The following ASAP2 variants were observed in gnomAD, a reference collection of about 807,000 sequenced individuals.
ASAP2 encodes the protein arf-GAP with SH3 domain, ANK repeat and PH domain-containing protein 2.
ASAP2 carries 45 observed loss-of-function variants against 131.4 expected under a neutral mutation model. The ratio of observed to expected loss-of-function variants is 0.34; its 90% confidence interval spans 0.27 to 0.44. The LOEUF is 0.44. Among genes scored for constraint, ASAP2 ranks in the 20% least tolerant of loss-of-function variants. The pLI, the probability that ASAP2 is intolerant of heterozygous loss-of-function variation, is 1.00. For missense variants in ASAP2, 1,011 were observed against 1,297.0 expected (o/e 0.78, Z 3.39); for synonymous variants, 510 against 503.0 (o/e 1.01, Z -0.19).
chr2:9,385,233 C>G lies in ASAP2; in HGVS notation c.2017-12C>G. 3 of 1,598,254 alleles carry G rather than the reference C, an allele frequency of 1.9e-6. No homozygotes were observed. Among genetic ancestry groups the G allele is most frequent in the South Asian group, 2.2e-5 (2 of 90,668 alleles). On this transcript the variant is annotated splice_polypyrimidine_tract_variant and intron_variant, in intron 20 of 27. Transcript: ENST00000281419. ...ATGAGCAACAGCACTGACCATCCCT[C>G]TGTTCTCTCAGCTGACCCAAGCCTT...
intron 9 of ASAP2, 115 bp downstream of exon 9, chr2:9,335,294 C>G: frequency 2.4e-6 from 2 of 820,456 alleles, no homozygotes; most frequent in South Asian, 3.1e-5. Context: ...CGGGCTGTGT[C>G]AGGCACCAGT....
At chr2:9,252,573 C>T (rs1664783281) in intron 1 of ASAP2, among the ~76,000 whole-genome samples, 1 of 150,200 alleles carries the variant, frequency 6.7e-6, no homozygotes, top group South Asian at 2.1e-4. Context: ...GACCCTATTC[C>T]CCTAACACCC....
In ASAP2 at chr2:9,404,188, T is replaced by TAACACATCACTTGCTGTTTC. The variant is rs1676990803; in HGVS notation, c.*862_*881dup. The TAACACATCACTTGCTGTTTC allele has an allele frequency of 6.6e-6, 1 of 152,214 alleles. No individual in the cohort carries two copies. The highest frequency in any genetic ancestry group is 6.5e-5 in the Admixed American group (1 of 15,274). The allele number at this position is 152,214 out of a possible 1,614,324, so 9.4% of individuals were successfully genotyped here. ...TTCTGTGGCGCAGACCATGCTGTAT[T>TAACACATCACTTGCTGTTTC]AACACATCACTTGCTGTTTCCTACT... On this transcript the variant is annotated 3_prime_UTR_variant, in exon 28 of 28. Coordinates refer to ENST00000281419, the MANE Select transcript of ASAP2 (RefSeq NM_003887.3).
At chr2:9,368,689 T>C (rs541974255) in intron 16 of ASAP2, among the ~76,000 whole-genome samples, 170 bp downstream of exon 16, 2 of 152,168 alleles carry the variant, frequency 1.3e-5, no homozygotes, top group African/African-American at 4.8e-5. Context: ...GGTGACCAAA[T>C]AGAAATTTTT....
chr2:9,397,750 A>ATATTTTTTT (rs1343127000), intron 24 of ASAP2, among the ~76,000 whole-genome samples: 3 of 44,810 alleles, frequency 6.7e-5, no homozygotes, highest in African/African-American at 5.1e-4. Context: ...ATATATATAT[A>ATATTTTTTT]TTTTTTTTTT....
At position 9,207,003 on chromosome 2, in the gene ASAP2, G is replaced by A. The variant is rs1296449166; in HGVS notation, c.-102G>A. 9 of 1,045,218 alleles carry A rather than the reference G, an allele frequency of 8.6e-6. No individual in the cohort carries two copies. Among genetic ancestry groups the A allele is most frequent in the Non-Finnish European group, 1.0e-5 (9 of 862,776 alleles). The allele number at this position is 1,045,218 out of a possible 1,614,324, so 64.7% of individuals were successfully genotyped here. A position where few individuals can be genotyped will look rare whatever the true frequency, so the allele number is the denominator to read the frequency against. ...CTCCCCTTTGTCCGCGGGCCGGAGC[G>A]GCGGCGGCAGCGGCGGTGTCCGAGC... On this transcript the variant is annotated 5_prime_UTR_variant, in exon 1 of 28. Transcript: ENST00000281419. The surrounding 1 kb of genome is among the most constrained non-coding windows in gnomAD (Gnocchi z 4.1).
At chr2:9,215,014 C>T (rs1661910670) in intron 1 of ASAP2, among the ~76,000 whole-genome samples, 2 of 152,152 alleles carry the variant, frequency 1.3e-5, no homozygotes, top group Admixed American at 1.3e-4. Context: ...GACGAACATG[C>T]ATCGTTAAGA....
intron 12 of ASAP2, among the ~76,000 whole-genome samples, chr2:9,352,228 C>T (rs1243116008): frequency 6.7e-6 from 1 of 150,208 alleles, no homozygotes; most frequent in Non-Finnish European, 1.5e-5. Context: ...CACACACACA[C>T]ACACACACAC....
intron 24 of ASAP2, among the ~76,000 whole-genome samples, chr2:9,397,106 C>G (rs1412401555): frequency 6.6e-6 from 1 of 152,242 alleles, no homozygotes; most frequent in Non-Finnish European, 1.5e-5. Context: ...ATTTCTGCCT[C>G]TATACCAAAG....
intron 11 of ASAP2, 39 bp from the exon 12 acceptor site, chr2:9,350,769 C>A: frequency 1.3e-6 from 2 of 1,572,604 alleles, no homozygotes; most frequent in Non-Finnish European, 1.7e-6. Context: ...TCCTTCCACC[C>A]AACCCCAACC....
At chr2:9,397,750 A>ATATATATATTT (rs1343127000) in intron 24 of ASAP2, among the ~76,000 whole-genome samples, 1 of 44,810 alleles carries the variant, frequency 2.2e-5, no homozygotes, top group African/African-American at 1.7e-4. Flanking sequence ...ATATATATAT[A>ATATATATATTT]TTTTTTTTTT....
chr2:9,251,297 G>C (rs1313640002), intron 1 of ASAP2, among the ~76,000 whole-genome samples: 1 of 152,124 alleles, frequency 6.6e-6, no homozygotes, highest in African/African-American at 2.4e-5. Flanking sequence ...GGTGGGGCTG[G>C]CATTTGACTT....
intron 1 of ASAP2, among the ~76,000 whole-genome samples, chr2:9,246,679 T>A (rs1664359658): frequency 6.6e-6 from 1 of 152,242 alleles, no homozygotes; most frequent in Admixed American, 6.5e-5. Context: ...AATTTAGTCA[T>A]CTTTACTACA....
At chr2:9,348,000 T>G (rs1405323007) in intron 11 of ASAP2, among the ~76,000 whole-genome samples, 1 of 152,228 alleles carries the variant, frequency 6.6e-6, no homozygotes, top group Non-Finnish European at 1.5e-5. Context: ...TACCATTCCT[T>G]CCCAAGTTTT....
chr2:9,344,341 A>G (rs181174337), intron 9 of ASAP2, among the ~76,000 whole-genome samples, 191 bp from the exon 10 acceptor site: 1 of 152,186 alleles, frequency 6.6e-6, no homozygotes, highest in East Asian at 1.9e-4. Context: ...CTCCAGCCTG[A>G]TAGATGGCAT....
Position 9,352,428 on chromosome 2 carries a change from A to G in ASAP2, c.1111+1533A>G, listed in dbSNP as rs534648189. Among the ~76,000 whole-genome samples, 5 of 152,324 alleles carry G rather than the reference A, an allele frequency of 3.3e-5. No individual in the cohort carries two copies. The East Asian group carries it at 9.6e-4, about 29-fold the overall frequency. On this transcript the variant is annotated intron_variant, in intron 12 of 27. Transcript: ENST00000281419. Reference sequence around the variant, plus strand: ...CAAGAAGCCATGCGTTAAAATGCCCATCCTTAACTCATAAGCAATAATAGT... The same window carrying G: ...CAAGAAGCCATGCGTTAAAATGCCCGTCCTTAACTCATAAGCAATAATAGT...
chr2:9,262,087 G>A (rs529819797), intron 1 of ASAP2, among the ~76,000 whole-genome samples: 73 of 152,254 alleles, frequency 4.8e-4, no homozygotes, highest in African/African-American at 1.5e-3. Context: ...GGGCTCAAGC[G>A]ATCCTCCTGC....
At chr2:9,233,394 T>TTTATG (rs1332146039) in intron 1 of ASAP2, among the ~76,000 whole-genome samples, 1 of 152,256 alleles carries the variant, frequency 6.6e-6, no homozygotes, top group Non-Finnish European at 1.5e-5. Context: ...TTATGGGCTC[T>TTTATG]GGTAGTTCTT....
At chr2:9,279,110 G>A (rs903091020) in intron 1 of ASAP2, among the ~76,000 whole-genome samples, 2 of 152,172 alleles carry the variant, frequency 1.3e-5, no homozygotes, top group African/African-American at 4.8e-5. Context: ...TCTGCTTAGT[G>A]CCATTTGGAA....
Sources: gnomAD v4.1 joint callset for allele counts (sites outside exome capture counted in the v4.1 genomes callset) on GRCh38, gnomAD v4.1.1 for gene constraint, Gnocchi (gnomAD v3.1) non-coding constraint, MANE v1.5 for transcripts, NCBI Gene and HGNC (gene_info 2026-07-23, HGNC 2026-07-21) for gene names.